LUZP2: variants seen among roughly 807,000 people sequenced by gnomAD.
LUZP2 encodes the protein leucine zipper protein 2.
In LUZP2, 52 loss-of-function variants were observed where a neutral mutation model predicts 51.6. That is an observed-to-expected ratio of 1.01 (90% CI 0.81 to 1.27). LUZP2 has a LOEUF of 1.27. Ranked by LOEUF, LUZP2 falls within the 50% of genes most tolerant of loss-of-function variation. LUZP2 has a pLI of 0.00. For synonymous variants in LUZP2, 154 were observed against 137.3 expected (o/e 1.12, Z -0.85); for missense variants, 436 against 395.4 (o/e 1.10, Z -0.87).
intron 1 of LUZP2, among the ~76,000 whole-genome samples, chr11:24,583,621 T>A (rs1219826581): frequency 1.3e-5 from 2 of 152,084 alleles, no homozygotes; most frequent in African/African-American, 4.8e-5. Context: ...TTTTCATCTT[T>A]CTCATATTCA....
intron 1 of LUZP2, among the ~76,000 whole-genome samples, chr11:24,519,169 G>A (rs1407118215): frequency 1.3e-5 from 2 of 152,126 alleles, no homozygotes; most frequent in East Asian, 3.8e-4. Flanking sequence ...TCATTACTCA[G>A]TTTGCTCTCA....
chr11:25,045,387 GAAA>G (rs778522513), intron 9 of LUZP2, among the ~76,000 whole-genome samples: 1 of 124,062 alleles, frequency 8.1e-6, no homozygotes, highest in Non-Finnish European at 1.7e-5. Flanking sequence ...AAGAATAACT[GAAA>G]AAAAAAAAAA....
chr11:24,705,204 T>A (rs948218987), intron 1 of LUZP2, among the ~76,000 whole-genome samples: 4 of 152,198 alleles, frequency 2.6e-5, no homozygotes, highest in African/African-American at 9.6e-5. Flanking sequence ...TTGTTCTTTT[T>A]ATATTTTTTA....
At position 24,859,881 on chromosome 11, in the gene LUZP2, T is replaced by G. The variant is rs111918532; in HGVS notation, c.397-46110T>G. On this transcript the variant is annotated intron_variant, in intron 5 of 11. Transcript: ENST00000336930. ...CTTGTGAACCCAAGCCACTGGGGCC[T>G]AGTGTCCCAACCCCAGAACACGCTG... Among the ~76,000 whole-genome samples, 830 of 152,244 alleles carry G rather than the reference T, an allele frequency of 5.5e-3. 9 individuals carry two copies. Among genetic ancestry groups the G allele is most frequent in the African/African-American group, 0.019 (781 of 41,556 alleles).
rs555543835 is a variant in LUZP2, at chr11:25,014,717, G to A, written c.765+31424G>A. 1.1e-4 allele frequency among the ~76,000 whole-genome samples: 17 copies of A among 152,246 alleles called. No homozygotes were observed. In the East Asian group the frequency reaches 3.3e-3, roughly 29 times the overall value. ...CTGTAGGTTACCTGTTCACTCTGAT[G>A]GTAGTTTCTTTTGCTGTGCAGAAGC... On this transcript the variant is annotated intron_variant, in intron 9 of 11. Transcript: ENST00000336930.
chr11:24,502,919 G>T (rs1850042188), intron 1 of LUZP2, among the ~76,000 whole-genome samples: 1 of 152,124 alleles, frequency 6.6e-6, no homozygotes, highest in South Asian at 2.1e-4. Flanking sequence ...AGACTTGAAA[G>T]TTTTTATGAC....
intron 9 of LUZP2, among the ~76,000 whole-genome samples, chr11:24,994,324 G>C (rs988055170): frequency 6.6e-6 from 1 of 152,026 alleles, no homozygotes; most frequent in Non-Finnish European, 1.5e-5. Flanking sequence ...TGTTGTATTT[G>C]GTAGTGATCA....
intron 7 of LUZP2, among the ~76,000 whole-genome samples, chr11:24,954,873 T>G (rs1855172692): frequency 1.3e-5 from 2 of 152,020 alleles, no homozygotes; most frequent in African/African-American, 4.8e-5. Context: ...TGAATTTCTG[T>G]GGGAATTAGC....
At chr11:24,606,699 G>C (rs1177163007) in intron 1 of LUZP2, among the ~76,000 whole-genome samples, 1 of 151,878 alleles carries the variant, frequency 6.6e-6, no homozygotes, top group Non-Finnish European at 1.5e-5. Context: ...TATAATAGTT[G>C]TATTTTAAAT....
rs371906195 is a variant in LUZP2, at chr11:24,651,399, C to A, written c.63-77770C>A. On this transcript the variant is annotated intron_variant, in intron 1 of 11. Coordinates refer to ENST00000336930, the MANE Select transcript of LUZP2 (RefSeq NM_001009909.4). ...ACACATATGGACACAACTACAAATA[C>A]ACACACACAGAAACCAAAACAATAC... Among the ~76,000 whole-genome samples, 22 of 152,088 alleles carry A rather than the reference C, an allele frequency of 1.4e-4. No individual in the cohort carries two copies. The South Asian group carries it at 4.6e-3, about 32-fold the overall frequency.
intron 5 of LUZP2, among the ~76,000 whole-genome samples, chr11:24,884,081 G>C (rs1266903201): frequency 2.0e-5 from 3 of 151,962 alleles, no homozygotes; most frequent in African/African-American, 4.8e-5. Context: ...AGTAATTACA[G>C]GTGAATTAAC....
intron 1 of LUZP2, among the ~76,000 whole-genome samples, chr11:24,651,719 T>A (rs539545681): frequency 6.6e-6 from 1 of 152,208 alleles, no homozygotes; most frequent in East Asian, 1.9e-4. Flanking sequence ...GAGATAAACA[T>A]TTAAATCAGT....
intron 5 of LUZP2, among the ~76,000 whole-genome samples, chr11:24,845,068 T>G (rs917265266): frequency 1.3e-5 from 2 of 152,040 alleles, no homozygotes; most frequent in African/African-American, 4.8e-5. Context: ...CCTCCAGACC[T>G]TAGATTGGTA....
chr11:24,870,414 A>G (rs1166470360), intron 5 of LUZP2, among the ~76,000 whole-genome samples: 1 of 151,824 alleles, frequency 6.6e-6, no homozygotes, highest in Non-Finnish European at 1.5e-5. Context: ...CCTGTTTTCC[A>G]ATCATAGTTC....
chr11:24,996,037 T>C (rs1565204506), intron 9 of LUZP2, among the ~76,000 whole-genome samples: 1 of 151,062 alleles, frequency 6.6e-6, no homozygotes, highest in Non-Finnish European at 1.5e-5. Context: ...TTTTATATAT[T>C]TTATTTTCTC....
intron 5 of LUZP2, among the ~76,000 whole-genome samples, chr11:24,783,403 G>C (rs1849147618): frequency 6.6e-6 from 1 of 151,396 alleles, no homozygotes; most frequent in African/African-American, 2.4e-5. Flanking sequence ...CACAACTCAA[G>C]CTTACCTGGT....
chr11:24,610,801 T>G (rs1287541693), intron 1 of LUZP2, among the ~76,000 whole-genome samples: 1 of 152,048 alleles, frequency 6.6e-6, no homozygotes, highest in Non-Finnish European at 1.5e-5. Context: ...CAAAATGAGC[T>G]GGGCGTGGGG....
At chr11:24,524,805 A>G (rs879658140) in intron 1 of LUZP2, among the ~76,000 whole-genome samples, 4 of 151,718 alleles carry the variant, frequency 2.6e-5, no homozygotes, top group Non-Finnish European at 5.9e-5. Flanking sequence ...ATCAATTTAC[A>G]GGACCAAAAT....
intron 1 of LUZP2, among the ~76,000 whole-genome samples, chr11:24,720,086 G>T (rs1352830515): frequency 2.6e-5 from 4 of 152,022 alleles, no homozygotes; most frequent in African/African-American, 9.7e-5. Context: ...CATTGAAATG[G>T]GAACAATTAG....
Sources: allele counts gnomAD v4.1 joint callset (sites outside exome capture counted in the v4.1 genomes callset), GRCh38; gene constraint gnomAD v4.1.1; transcripts MANE v1.5; gene names NCBI Gene and HGNC (gene_info 2026-07-23, HGNC 2026-07-21).